Variants in ADD1 observed in about 807,000 individuals in gnomAD.
The protein encoded by ADD1 is adducin 1, also known as alpha-adducin.
In ADD1, 24 loss-of-function variants were observed where a neutral mutation model predicts 80.5. The ratio of observed to expected loss-of-function variants is 0.30; its 90% CI spans 0.22 to 0.42. ADD1 has a LOEUF of 0.42. ADD1 is among the 10% of genes least tolerant of loss of function. The pLI, the probability that ADD1 is intolerant of heterozygous loss-of-function variation, is 1.00. For missense variants in ADD1, 948 were observed against 1,019.0 expected (o/e 0.93, Z 0.95); for synonymous variants, 373 against 393.8 (o/e 0.95, Z 0.63).
intron 1 of ADD1, among the ~76,000 whole-genome samples, chr4:2,868,460 T>C (rs1392748900): frequency 1.3e-5 from 2 of 152,226 alleles, no homozygotes; most frequent in East Asian, 1.9e-4. Context: ...TTTACAATCT[T>C]GTTACTCTTT....
chr4:2,928,158 C>G lies in ADD1; in HGVS notation c.2048-13C>G, dbSNP rs77329634. ...CAGGAACCCTTAATCCCATCTCTCA[C>G]CTCACCCACTAGACCTTGTGCCGGA... On this transcript the variant is annotated splice_polypyrimidine_tract_variant and intron_variant, in intron 15 of 15. Coordinates refer to ENST00000683351, the MANE Select transcript of ADD1 (RefSeq NM_001354761.2). The G allele has an allele frequency of 6.2e-7, 1 of 1,612,748 alleles. No individual in the cohort carries two copies. The highest frequency in any genetic ancestry group is 8.5e-7 in the Non-Finnish European group (1 of 1,179,060).
At chr4:2,894,868 T>C (rs1390836700) in intron 6 of ADD1, 137 bp downstream of exon 6, 5 of 959,580 alleles carry the variant, frequency 5.2e-6, no homozygotes, top group Non-Finnish European at 7.4e-6. Context: ...GGTGTACCAC[T>C]AAGTTTGACT....
chr4:2,922,522 G>T (rs1015275347), intron 14 of ADD1, among the ~76,000 whole-genome samples: 1 of 152,224 alleles, frequency 6.6e-6, no homozygotes, highest in Non-Finnish European at 1.5e-5. Context: ...TTTCGTCCCA[G>T]AGGGGCACCT....
chr4:2,852,198 C>CCTT (rs1727280212), intron 1 of ADD1, among the ~76,000 whole-genome samples: 2 of 76,654 alleles, frequency 2.6e-5, no homozygotes, highest in Non-Finnish European at 2.6e-5. Flanking sequence ...TTCTTTCTTT[C>CCTT]CTTTCTTTCC....
chr4:2,892,372 AG>A (rs1381105235), intron 4 of ADD1, among the ~76,000 whole-genome samples: 1 of 152,210 alleles, frequency 6.6e-6, no homozygotes, highest in Non-Finnish European at 1.5e-5. Flanking sequence ...AATATTTTTG[AG>A]GGCAGGTCTC....
At chr4:2,919,601 T>C (rs1173741960) in intron 14 of ADD1, among the ~76,000 whole-genome samples, 2 of 152,234 alleles carry the variant, frequency 1.3e-5, no homozygotes, top group Non-Finnish European at 2.9e-5. Context: ...CCATTTCTTC[T>C]AGATTTTCTA....
chr4:2,865,170 T>C (rs1056573275), intron 1 of ADD1, among the ~76,000 whole-genome samples: 1 of 146,878 alleles, frequency 6.8e-6, no homozygotes, highest in Non-Finnish European at 1.5e-5. Context: ...CTATTTTCTC[T>C]TGTTTTTTTT....
At position 2,880,492 on chromosome 4, in the gene ADD1, T is replaced by C. The variant is rs1046119611; in HGVS notation, c.196-1406T>C. 2.3e-5 allele frequency among the ~76,000 whole-genome samples: 3 copies of C among 133,000 alleles called. No homozygotes were observed. In the South Asian group the frequency reaches 7.3e-4, roughly 33 times the overall value. The allele number at this position is 133,000 out of a possible 152,430, so 87.3% of individuals were successfully genotyped here. A position where few individuals can be genotyped will look rare whatever the true frequency, so the allele number is the denominator to read the frequency against. On this transcript the variant is annotated intron_variant, in intron 2 of 15. Coordinates refer to ENST00000683351, the MANE Select transcript of ADD1 (RefSeq NM_001354761.2). ...TTTTTTTTTTTTTTTTTTTTTTTTT[T>C]TGAGACGGAGTCTCGCTCTATCTCC...
At chr4:2,873,814 T>G (rs761410804) in intron 1 of ADD1, among the ~76,000 whole-genome samples, 21 of 152,254 alleles carry the variant, frequency 1.4e-4, no homozygotes, top group Non-Finnish European at 2.5e-4. Context: ...AGATAACTCT[T>G]ATTGTTTTGT....
At chr4:2,907,194 G>A (rs1737205113) in intron 10 of ADD1, 2 of 152,544 alleles carry the variant, frequency 1.3e-5, no homozygotes, top group African/African-American at 4.8e-5. Context: ...CCGTGTAAGT[G>A]TCCATACAGT....
chr4:2,869,797 T>TA (rs1350775135), intron 1 of ADD1, among the ~76,000 whole-genome samples: 1 of 152,228 alleles, frequency 6.6e-6, no homozygotes, highest in Non-Finnish European at 1.5e-5. Flanking sequence ...TAAGGGAAGA[T>TA]ACTGCAGAGA....
chr4:2,844,198 C>T (rs1334455508), intron 1 of ADD1, 174 bp downstream of exon 1: 1 of 151,950 alleles, frequency 6.6e-6, no homozygotes, highest in African/African-American at 2.4e-5. Context: ...GAGGGGTCCC[C>T]GCGGGGCCTT....
chr4:2,908,791 A>G lies in ADD1; in HGVS notation c.1698+187A>G, dbSNP rs182696584. 14 of 607,664 alleles carry G rather than the reference A, an allele frequency of 2.3e-5. No individual in the cohort carries two copies. In the East Asian group the frequency reaches 3.1e-4, roughly 13 times the overall value. The allele number at this position is 607,664 out of a possible 1,614,324, so 37.6% of individuals were successfully genotyped here. A position where few individuals can be genotyped will look rare whatever the true frequency, so the allele number is the denominator to read the frequency against. ...TCGTTGAGTTCTAGAAGGAGCGAGC[A>G]TGCTGAGGGCTGTGTCCACCCCTCT... On this transcript the variant is annotated intron_variant, in intron 12 of 15. Coordinates refer to ENST00000683351, the MANE Select transcript of ADD1 (RefSeq NM_001354761.2).
intron 4 of ADD1, among the ~76,000 whole-genome samples, chr4:2,893,812 C>G (rs762046487): frequency 6.6e-6 from 1 of 152,088 alleles, no homozygotes; most frequent in Non-Finnish European, 1.5e-5. Context: ...GAGCAAGAAG[C>G]ACTTCATATA....
At chr4:2,877,069 A>G (rs1299618758) in intron 2 of ADD1, among the ~76,000 whole-genome samples, 2 of 151,902 alleles carry the variant, frequency 1.3e-5, no homozygotes, top group Admixed American at 6.6e-5. Context: ...GTACCTGCTA[A>G]TTGATTGATA....
At chr4:2,920,353 A>G (rs951667328) in intron 14 of ADD1, among the ~76,000 whole-genome samples, 4 of 152,248 alleles carry the variant, frequency 2.6e-5, no homozygotes, top group Admixed American at 6.5e-5. Context: ...TTAGGTCCGC[A>G]TGGTCCAGAG....
chr4:2,890,805 A>ATG (rs1297554087), intron 4 of ADD1, among the ~76,000 whole-genome samples: 1 of 152,082 alleles, frequency 6.6e-6, no homozygotes, highest in Non-Finnish European at 1.5e-5. Flanking sequence ...ATACCCTTGT[A>ATG]TGTGTGTTTT....
chr4:2,926,734 GCTT>G lies in ADD1; in HGVS notation c.2047+626_2047+628del. On this transcript the variant is annotated intron_variant, in intron 15 of 15. Transcript: ENST00000683351. The surrounding 1 kb of genome is among the most constrained non-coding windows in gnomAD (Gnocchi z 5.0). ...GCCCTGCGCTTTGCCTCATTCTCCT[GCTT>G]CTTTGTTGTTTATTAAGTTTTGTTT... is the stretch of plus-strand genomic sequence containing the variant. The G allele has an allele frequency of 6.5e-7, 1 of 1,544,246 alleles. No individual in the cohort carries two copies. The highest frequency in any genetic ancestry group is 8.9e-7 in the Non-Finnish European group (1 of 1,125,232).
rs1308424374 is a variant in ADD1, at chr4:2,894,927, A to AATTTG, written c.741+197_741+201dup. Among the ~76,000 whole-genome samples, 11 of 152,280 alleles carry AATTTG rather than the reference A, an allele frequency of 7.2e-5. No homozygotes were observed. The East Asian group carries it at 2.1e-3, about 29-fold the overall frequency. On this transcript the variant is annotated intron_variant, in intron 6 of 15. Coordinates refer to ENST00000683351, the MANE Select transcript of ADD1 (RefSeq NM_001354761.2). ...TTTAAGGGGTCCATATATCCCATTT[A>AATTTG]ATTTGGAAAAACATGTAATAAGTCT...
Sources: gnomAD v4.1 joint callset for allele counts (sites outside exome capture counted in the v4.1 genomes callset) on GRCh38, gnomAD v4.1.1 for gene constraint, Gnocchi (gnomAD v3.1) non-coding constraint, MANE v1.5 for transcripts, NCBI Gene and HGNC (gene_info 2026-07-23, HGNC 2026-07-21) for gene names.